Variants in GREB1 observed in about 807,000 individuals in gnomAD.
The protein encoded by GREB1 is growth regulating estrogen receptor binding 1.
GREB1 carries 106 observed loss-of-function variants against 200.7 expected under a neutral mutation model. That is an observed-to-expected ratio of 0.53 (90% CI 0.45 to 0.62). GREB1 has a LOEUF of 0.62. Ranked by LOEUF, GREB1 falls within the 20% of genes least tolerant of loss-of-function variation. The probability of loss-of-function intolerance (pLI) is 0.00; values close to 1 mark genes in which losing one functional copy is unlikely to be tolerated. For synonymous variants in GREB1, 1,132 were observed against 1,092.4 expected, an observed-to-expected ratio of 1.04 and a Z score of -0.72; for missense variants, 2,243 against 2,556.8, an observed-to-expected ratio of 0.88 and a Z score of 2.65.
intron 5 of GREB1, 86 bp downstream of exon 5, chr2:11,576,621 G>GCCTCT: frequency 3.0e-6 from 3 of 987,342 alleles, no homozygotes; most frequent in Non-Finnish European, 3.1e-6. Context: ...CTGGGGAGAG[G>GCCTCT]CCCCTGCATA....
rs573512027 is a variant in GREB1, at chr2:11,566,022, T to TATATA, written c.278-457_278-453dup. Among the ~76,000 whole-genome samples the TATATA allele has an allele frequency of 1.9e-4, 28 of 150,864 alleles. No individual in the cohort carries two copies. The South Asian group carries it at 5.7e-3, about 31-fold the overall frequency. On this transcript the variant is annotated intron_variant, in intron 3 of 32. Coordinates refer to ENST00000381486, the MANE Select transcript of GREB1 (RefSeq NM_014668.4). Reference sequence around the variant, plus strand: ...TCTGTGTCGTGGATAACTATGATTATATATATATATATATGAGATGGAGTC... The same window carrying TATATA: ...TCTGTGTCGTGGATAACTATGATTATATATAATATATATATATATGAGATGGAGTC...
intron 4 of GREB1, among the ~76,000 whole-genome samples, chr2:11,569,290 C>T (rs189370566): frequency 2.0e-5 from 3 of 152,032 alleles, no homozygotes; most frequent in East Asian, 1.9e-4. Context: ...GAATATATAA[C>T]GTGAAATGAA....
At chr2:11,570,036 C>T (rs1678101068) in intron 4 of GREB1, among the ~76,000 whole-genome samples, 1 of 152,166 alleles carries the variant, frequency 6.6e-6, no homozygotes, top group African/African-American at 2.4e-5. Flanking sequence ...CCCTCTTCTC[C>T]CTTTCTGGGA....
intron 1 of GREB1, chr2:11,517,265 C>G (rs1673538861): frequency 1.3e-5 from 2 of 152,654 alleles, no homozygotes; most frequent in Non-Finnish European, 2.9e-5. Context: ...CAGTCGCTGC[C>G]TGAAGGTGCT....
intron 15 of GREB1, among the ~76,000 whole-genome samples, chr2:11,599,826 T>C (rs1251018153): frequency 6.6e-6 from 1 of 152,216 alleles, no homozygotes; most frequent in Non-Finnish European, 1.5e-5. Context: ...GGCTGATGCC[T>C]GCCCTTCTTA....
At chr2:11,505,943 GATA>G (rs1673172050) in intron 1 of GREB1, among the ~76,000 whole-genome samples, 1 of 152,198 alleles carries the variant, frequency 6.6e-6, no homozygotes, top group South Asian at 2.1e-4. Flanking sequence ...CAGGAAAAAG[GATA>G]ATGTTTAACA....
At chr2:11,574,461 C>T (rs1309728262) in intron 4 of GREB1, among the ~76,000 whole-genome samples, 2 of 152,076 alleles carry the variant, frequency 1.3e-5, no homozygotes, top group African/African-American at 4.8e-5. Context: ...GGTGGGGCCC[C>T]CAGAGGAAAG....
intron 3 of GREB1, among the ~76,000 whole-genome samples, chr2:11,566,153 G>A (rs1262767229): frequency 1.3e-5 from 2 of 151,920 alleles, no homozygotes; most frequent in African/African-American, 4.8e-5. Flanking sequence ...CGAGTAGCTG[G>A]GATTGCAGGT....
chr2:11,600,052 C>G (rs1681644593), intron 15 of GREB1, among the ~76,000 whole-genome samples: 1 of 152,180 alleles, frequency 6.6e-6, no homozygotes, highest in Non-Finnish European at 1.5e-5. Context: ...TTGATTGTCG[C>G]AGATCCACAG....
chr2:11,519,519 G>A (rs898325857), intron 1 of GREB1, among the ~76,000 whole-genome samples: 10 of 131,396 alleles, frequency 7.6e-5, no homozygotes, highest in Non-Finnish European at 1.1e-4. Context: ...GCAATGGCAC[G>A]ATCTCGGCTC....
intron 4 of GREB1, among the ~76,000 whole-genome samples, chr2:11,573,980 A>G (rs1176250226): frequency 6.6e-6 from 1 of 152,214 alleles, no homozygotes; most frequent in Admixed American, 6.5e-5. Context: ...TCTTTTTAAC[A>G]CCAGGCTTAG....
At chr2:11,595,160 A>G in intron 11 of GREB1, 91 bp from the exon 12 acceptor site, 1 of 1,175,696 alleles carries the variant, frequency 8.5e-7, no homozygotes, top group Non-Finnish European at 1.2e-6. Flanking sequence ...GGAAATGTCA[A>G]GTCTAGAAGG....
rs577347221 is a variant in GREB1, at chr2:11,513,991, G to A, written c.-159+31610G>A. 1.3e-4 allele frequency among the ~76,000 whole-genome samples: 20 copies of A among 152,326 alleles called. No homozygotes were observed. The East Asian group carries it at 1.5e-3, about 12-fold the overall frequency. The stretch of plus-strand genomic sequence containing the variant: ...TAGGAGCTCACATCCTAAGAGGGGA[G>A]GATGAAGATTAATCTCCTACTCACT... On this transcript the variant is annotated intron_variant, in intron 1 of 2. Coordinates refer to the GREB1 transcript ENST00000628795.
Position 11,632,931 on chromosome 2 carries a change from T to C in GREB1, c.4859T>C (p.Leu1620Pro). The change falls in exon 28 of 33, where the codon CTG becomes CCG. Residue 1620 changes from leucine (L) to proline (P), a missense_variant. Physicochemically the swap from Leu to Pro is moderately conservative, Grantham distance 98. Transcript: ENST00000381486. ...ATCAAGGAGCTGTCCTACCATAACC[T>C]GGAGCTCGAGCGGAACCGGCAGGAG... ...FLIKELSYHNLELERNRQEEL... is the reference protein window; with the variant it reads ...FLIKELSYHNPELERNRQEEL... 2.5e-6 allele frequency: 4 copies of C among 1,614,122 alleles called. No homozygotes were observed. The highest frequency in any genetic ancestry group is 2.5e-6 in the Non-Finnish European group (3 of 1,180,020).
At chr2:11,531,518 A>T (rs975245226), upstream of GREB1, among the ~76,000 whole-genome samples, 12 of 152,220 alleles carry the variant, frequency 7.9e-5, no homozygotes, top group African/African-American at 2.9e-4. Context: ...AGAAAAAAAA[A>T]TTGCGTATAA....
Position 11,562,667 on chromosome 2 carries a change from G to T in GREB1, c.277+85G>T, listed in dbSNP as rs1677195563. ...CAGGCGGGTGACTGGGCCTGTGACT[G>T]TGTGCTGCAGGGGTCCTCTTTGCTC... On this transcript the variant is annotated intron_variant, in intron 3 of 32. Coordinates refer to ENST00000381486, the MANE Select transcript of GREB1 (RefSeq NM_014668.4). The T allele has an allele frequency of 2.8e-6, 4 of 1,412,156 alleles. No individual in the cohort carries two copies. The Admixed American group carries it at 9.7e-5, about 34-fold the overall frequency. The allele number at this position is 1,412,156 out of a possible 1,614,324, so 87.5% of individuals were successfully genotyped here.
chr2:11,576,286 G>T (rs1678847662), intron 4 of GREB1, 67 bp from the exon 5 acceptor site: 1 of 1,318,554 alleles, frequency 7.6e-7, no homozygotes. Context: ...CAGCCTAGAT[G>T]ACAAGAACGA....
At chr2:11,531,297 A>C (rs913920630), upstream of GREB1, among the ~76,000 whole-genome samples, 1 of 152,130 alleles carries the variant, frequency 6.6e-6, no homozygotes, top group Non-Finnish European at 1.5e-5. Context: ...AATTGTATAG[A>C]GGTTAAGTGA....
At chr2:11,520,603 C>T (rs890717252) in intron 1 of GREB1, among the ~76,000 whole-genome samples, 5 of 152,200 alleles carry the variant, frequency 3.3e-5, no homozygotes, top group Admixed American at 2.6e-4. Context: ...AATTCCTTCT[C>T]CACCCTCTCT....
Sources: gnomAD v4.1 joint callset for allele counts (sites outside exome capture counted in the v4.1 genomes callset) on GRCh38, gnomAD v4.1.1 for gene constraint, MANE v1.5 for transcripts, NCBI Gene and HGNC (gene_info 2026-07-23, HGNC 2026-07-21) for gene names.